The following NDST4 variants were observed in gnomAD, a reference collection of about 807,000 sequenced individuals.
NDST4 encodes N-heparan sulfate sulfotransferase 4.
In NDST4, 63 loss-of-function variants were observed where a neutral mutation model predicts 100.8. That is an observed-to-expected ratio of 0.62 (90% CI 0.51 to 0.77). The LOEUF is 0.77. Among genes scored for constraint, NDST4 ranks in the 30% least tolerant of loss-of-function variants. NDST4 has a pLI of 0.00. For missense variants in NDST4, 943 were observed against 1,018.4 expected (o/e 0.93, Z 1.01); for synonymous variants, 377 against 361.8 (o/e 1.04, Z -0.48).
intron 2 of NDST4, among the ~76,000 whole-genome samples, chr4:115,053,572 T>C (rs1267378960): frequency 6.6e-6 from 1 of 152,134 alleles, no homozygotes. Context: ...TGTGTACTTT[T>C]GATGTTTGAA....
At chr4:114,944,424 C>T (rs1725816803) in intron 4 of NDST4, among the ~76,000 whole-genome samples, 1 of 152,164 alleles carries the variant, frequency 6.6e-6, no homozygotes, top group South Asian at 2.1e-4. Flanking sequence ...CCCCTTCAAA[C>T]TTTGGGATTT....
intron 2 of NDST4, among the ~76,000 whole-genome samples, chr4:115,065,823 A>T (rs900918775): frequency 6.6e-6 from 1 of 152,150 alleles, no homozygotes; most frequent in African/African-American, 2.4e-5. Flanking sequence ...ACCCACATTT[A>T]GTCCCACTAT....
Position 115,009,089 on chromosome 4 carries a change from C to T in NDST4, c.979-31815G>A, listed in dbSNP as rs1480427057. Among the ~76,000 whole-genome samples, 9 of 125,126 alleles carry T rather than the reference C, an allele frequency of 7.2e-5. 1 individual carries two copies. Among genetic ancestry groups the T allele is most frequent in the Middle Eastern group, 8.7e-3 (2 of 230 alleles). The allele number at this position is 125,126 out of a possible 152,430, so 82.1% of individuals were successfully genotyped here. A position where few individuals can be genotyped will look rare whatever the true frequency, so the allele number is the denominator to read the frequency against. On this transcript the variant is annotated intron_variant, in intron 2 of 13. Transcript: ENST00000264363. ...GCTCATGGGTAGGAAGAATCAATATCGTGAAAATGGCCATACTGCCCAAGG... is the reference window on the plus strand; with the variant it reads ...GCTCATGGGTAGGAAGAATCAATATTGTGAAAATGGCCATACTGCCCAAGG...
intron 6 of NDST4, among the ~76,000 whole-genome samples, chr4:114,881,262 A>G (rs547394115): frequency 6.6e-6 from 1 of 152,066 alleles, no homozygotes; most frequent in Non-Finnish European, 1.5e-5. Flanking sequence ...TGACTACTTG[A>G]ACAGTGACAA....
chr4:114,921,914 C>A (rs1339596579), intron 6 of NDST4, among the ~76,000 whole-genome samples: 5 of 151,614 alleles, frequency 3.3e-5, no homozygotes, highest in Non-Finnish European at 7.4e-5. Context: ...TTTCTCTCCT[C>A]CTCTTTTCTT....
At chr4:114,872,952 G>A (rs1420477095) in intron 6 of NDST4, among the ~76,000 whole-genome samples, 1 of 151,838 alleles carries the variant, frequency 6.6e-6, no homozygotes, top group Non-Finnish European at 1.5e-5. Flanking sequence ...CAACAAAAAA[G>A]CAAGACAAAG....
At chr4:115,016,720 A>G (rs1727685677) in intron 2 of NDST4, among the ~76,000 whole-genome samples, 1 of 152,052 alleles carries the variant, frequency 6.6e-6, no homozygotes, top group Non-Finnish European at 1.5e-5. Flanking sequence ...ATCTTGTAGT[A>G]TTACCATGCC....
intron 3 of NDST4, among the ~76,000 whole-genome samples, chr4:114,974,774 GC>G (rs964516010): frequency 6.6e-6 from 1 of 152,100 alleles, no homozygotes; most frequent in African/African-American, 2.4e-5. Flanking sequence ...ATTGTTTTTA[GC>G]ATGTGAAGGA....
intron 2 of NDST4, among the ~76,000 whole-genome samples, chr4:115,006,390 C>T (rs1186527229): frequency 6.6e-6 from 1 of 151,788 alleles, no homozygotes; most frequent in African/African-American, 2.4e-5. Flanking sequence ...AGCCTATAGG[C>T]AGTTGGAATC....
Position 114,977,100 on chromosome 4 carries a change from G to A in NDST4, c.1066+87C>T, listed in dbSNP as rs1053113930. On this transcript the variant is annotated intron_variant, in intron 3 of 13. Transcript: ENST00000264363. The stretch of plus-strand genomic sequence containing the variant: ...CCAAGTTTTTCCCATAATCAATCTG[G>A]AGAATCTATCTCTACCACTTATGAA... 6.3e-6 allele frequency: 5 copies of A among 793,966 alleles called. No homozygotes were observed. The African/African-American group carries it at 8.9e-5, about 14-fold the overall frequency. 49.2% of individuals were successfully genotyped at this position (793,966 alleles called of 1,614,324 possible).
At chr4:114,905,861 C>A (rs1056528082) in intron 6 of NDST4, among the ~76,000 whole-genome samples, 11 of 151,870 alleles carry the variant, frequency 7.2e-5, no homozygotes, top group African/African-American at 2.4e-4. Context: ...ATAAATTGTT[C>A]TGTAGTCTGT....
chr4:114,856,590 T>C (rs1691252731), intron 7 of NDST4, among the ~76,000 whole-genome samples: 1 of 152,192 alleles, frequency 6.6e-6, no homozygotes, highest in Non-Finnish European at 1.5e-5. Context: ...TATGACAGAA[T>C]ATAATTTTAT....
intron 2 of NDST4, among the ~76,000 whole-genome samples, chr4:114,984,569 G>T (rs1006122478): frequency 4.6e-5 from 7 of 152,096 alleles, no homozygotes; most frequent in African/African-American, 1.2e-4. Context: ...CAATAAAAAG[G>T]TGTCTTATTT....
chr4:114,974,915 T>C (rs1044004129), intron 3 of NDST4, among the ~76,000 whole-genome samples: 1 of 152,128 alleles, frequency 6.6e-6, no homozygotes, highest in Non-Finnish European at 1.5e-5. Context: ...GGCTCATCCA[T>C]CAGCATCCTC....
chr4:114,872,545 C>G (rs17047431), intron 6 of NDST4, among the ~76,000 whole-genome samples: 3,733 of 151,960 alleles, frequency 0.025, 167 homozygotes, highest in African/African-American at 0.085. Context: ...TTAAAATGAT[C>G]AAAGTCACAC....
chr4:114,968,023 C>T (rs1029631376), intron 4 of NDST4, among the ~76,000 whole-genome samples: 22 of 152,036 alleles, frequency 1.4e-4, no homozygotes, highest in African/African-American at 5.3e-4. Flanking sequence ...GTCAAGCAAC[C>T]ATCAATGGAA....
At chr4:114,838,912 C>T (rs1472282052) in intron 11 of NDST4, among the ~76,000 whole-genome samples, 2 of 151,950 alleles carry the variant, frequency 1.3e-5, no homozygotes, top group Non-Finnish European at 2.9e-5. Flanking sequence ...TAACACTCCC[C>T]ATTTGGCAGC....
intron 6 of NDST4, among the ~76,000 whole-genome samples, chr4:114,882,207 A>G (rs1312636917): frequency 6.6e-6 from 1 of 151,550 alleles, no homozygotes; most frequent in African/African-American, 2.4e-5. Flanking sequence ...AAACACATGA[A>G]TTTCATGTGG....
At chr4:114,909,669 C>CA (rs773267929) in intron 6 of NDST4, among the ~76,000 whole-genome samples, 2,997 of 60,798 alleles carry the variant, frequency 0.049, 92 homozygotes, top group Middle Eastern at 0.12. Flanking sequence ...GACTCCGTCT[C>CA]AAAAAAAAAA....
Sources: gnomAD v4.1 joint callset for allele counts (sites outside exome capture counted in the v4.1 genomes callset) on GRCh38, gnomAD v4.1.1 for gene constraint, MANE v1.5 for transcripts, NCBI Gene and HGNC (gene_info 2026-07-23, HGNC 2026-07-21) for gene names.